The following NUDC variants were observed in gnomAD, a reference collection of about 807,000 sequenced individuals.
The protein encoded by NUDC is nuclear distribution C, dynein complex regulator.
NUDC carries 14 observed loss-of-function variants against 45.0 expected under a neutral mutation model. The ratio of observed to expected loss-of-function variants is 0.31; its 90% CI spans 0.21 to 0.49. The LOEUF (loss-of-function observed/expected upper bound fraction) is 0.49, where lower values mean the gene tolerates loss of function less well. NUDC is among the 20% of genes least tolerant of loss of function. The pLI, the probability that NUDC is intolerant of heterozygous loss-of-function variation, is 0.99. For missense variants in NUDC, 323 were observed against 426.2 expected (o/e 0.76, Z 2.13); for synonymous variants, 153 against 156.7 (o/e 0.98, Z 0.17).
intron 2 of NUDC, among the ~76,000 whole-genome samples, chr1:26,906,405 GCAC>G (rs2082003248): frequency 6.6e-6 from 1 of 152,118 alleles, no homozygotes; most frequent in Non-Finnish European, 1.5e-5. Context: ...AGCCGAGATC[GCAC>G]CACAGCACTC....
At chr1:26,914,829 T>C (rs777746163) in intron 3 of NUDC, among the ~76,000 whole-genome samples, 21 of 151,836 alleles carry the variant, frequency 1.4e-4, no homozygotes, top group Admixed American at 3.3e-4. Flanking sequence ...TAGCCGGGCA[T>C]GGTGGCATGT....
At chr1:26,915,813 C>T (rs548118778) in intron 3 of NUDC, among the ~76,000 whole-genome samples, 2 of 152,300 alleles carry the variant, frequency 1.3e-5, no homozygotes, top group Non-Finnish European at 2.9e-5. Flanking sequence ...CAAACAGGCA[C>T]ACCTCTTTCA....
chr1:26,941,661 G>A lies in NUDC; in HGVS notation c.363+1G>A. ...GAGGCTGCAGCTAGAGATTGACCAGGTGAAGGGTGGGCTTCCCTTCTCCAC... is the reference window on the plus strand; with the variant it reads ...GAGGCTGCAGCTAGAGATTGACCAGATGAAGGGTGGGCTTCCCTTCTCCAC... On this transcript the variant is annotated splice_donor_variant, in intron 3 of 8. Coordinates refer to ENST00000321265, the MANE Select transcript of NUDC (RefSeq NM_006600.4). LOFTEE classifies it high-confidence loss of function. 1 of 1,612,304 alleles carries A rather than the reference G, an allele frequency of 6.2e-7. No homozygotes were observed. The highest frequency in any genetic ancestry group is 8.5e-7 in the Non-Finnish European group (1 of 1,179,180).
At chr1:26,911,013 G>T in intron 2 of NUDC, 2 of 413,298 alleles carry the variant, frequency 4.8e-6, no homozygotes, top group Non-Finnish European at 9.9e-6. Context: ...AAATCCTGGT[G>T]GTCCAGCTAA....
intron 6 of NUDC, chr1:26,945,144 C>A: frequency 1.7e-6 from 1 of 587,008 alleles, no homozygotes; most frequent in East Asian, 2.9e-5. Flanking sequence ...TCTCCCTCCA[C>A]CCTGGATGAA....
intron 2 of NUDC, among the ~76,000 whole-genome samples, chr1:26,905,592 G>A (rs1278139443): frequency 6.6e-6 from 1 of 151,420 alleles, no homozygotes; most frequent in African/African-American, 2.4e-5. Flanking sequence ...TGGAAGATAA[G>A]GGTTACTTTG....
intron 5 of NUDC, 36 bp from the exon 6 acceptor site, chr1:26,942,835 T>G: frequency 6.2e-7 from 1 of 1,614,010 alleles, no homozygotes; most frequent in African/African-American, 1.3e-5. Context: ...CCAGCAGCAC[T>G]TAGTGGCCTC....
chr1:26,938,809 C>T (rs544008265), intron 2 of NUDC, among the ~76,000 whole-genome samples: 71 of 152,216 alleles, frequency 4.7e-4, no homozygotes, highest in Non-Finnish European at 4.6e-4. Context: ...CCTGCAAGGC[C>T]TCTAGGGGTA....
chr1:26,904,272 A>C (rs2081993495), intron 2 of NUDC, among the ~76,000 whole-genome samples: 1 of 148,194 alleles, frequency 6.7e-6, no homozygotes, highest in Admixed American at 6.8e-5. Flanking sequence ...GGTTCAGGCC[A>C]TTCTCCTGCC....
At chr1:26,933,460 C>T (rs926000476) in intron 2 of NUDC, among the ~76,000 whole-genome samples, 1 of 152,034 alleles carries the variant, frequency 6.6e-6, no homozygotes, top group Non-Finnish European at 1.5e-5. Flanking sequence ...GTTGCCCAGG[C>T]TGGAGTGCAA....
intron 2 of NUDC, among the ~76,000 whole-genome samples, chr1:26,933,224 C>T (rs577943689): frequency 4.6e-5 from 7 of 151,542 alleles, no homozygotes; most frequent in South Asian, 2.1e-4. Context: ...TTGACCACCG[C>T]GCCCGGCCAC....
chr1:26,941,362 C>A, intron 2 of NUDC, 95 bp from the exon 3 acceptor site: 3 of 1,302,204 alleles, frequency 2.3e-6, no homozygotes, highest in Non-Finnish European at 3.3e-6. Context: ...CAGTGCTTTG[C>A]CCTTGCACCC....
At chr1:26,900,431 G>T (rs758825388) in intron 1 of NUDC, 2 of 1,609,024 alleles carry the variant, frequency 1.2e-6, no homozygotes, top group Non-Finnish European at 8.5e-7. Flanking sequence ...CCGCCTCGCC[G>T]GGCACCGCCA....
At chr1:26,932,273 T>A (rs998002354) in intron 2 of NUDC, among the ~76,000 whole-genome samples, 1 of 148,654 alleles carries the variant, frequency 6.7e-6, no homozygotes. Context: ...GCCTTCCGGG[T>A]TCAAGCGATT....
intron 2 of NUDC, among the ~76,000 whole-genome samples, chr1:26,934,102 G>A (rs986769615): frequency 1.3e-5 from 2 of 152,202 alleles, no homozygotes; most frequent in African/African-American, 4.8e-5. Flanking sequence ...GCAGTGAGTC[G>A]AGATTGTGCT....
intron 2 of NUDC, among the ~76,000 whole-genome samples, chr1:26,907,248 C>T (rs997240751): frequency 1.3e-5 from 2 of 152,168 alleles, no homozygotes; most frequent in South Asian, 2.1e-4. Context: ...TAGCTCAAAC[C>T]AGTCACCACT....
chr1:26,938,757 C>G (rs2082254486), intron 2 of NUDC, among the ~76,000 whole-genome samples: 1 of 152,156 alleles, frequency 6.6e-6, no homozygotes, highest in African/African-American at 2.4e-5. Context: ...CTTAGAGATG[C>G]TTGAAAGAGG....
chr1:26,916,222 C>G (rs2082061233), intron 3 of NUDC, among the ~76,000 whole-genome samples: 1 of 151,162 alleles, frequency 6.6e-6, no homozygotes, highest in Non-Finnish European at 1.5e-5. Context: ...GACCTCATCT[C>G]TACCAAAAAA....
At chr1:26,925,700 A>G (rs927218791) in intron 2 of NUDC, among the ~76,000 whole-genome samples, 1 of 150,344 alleles carries the variant, frequency 6.7e-6, no homozygotes, top group Admixed American at 6.6e-5. Context: ...ACTTTTGAAA[A>G]TTGTTATATC....
Sources: allele counts gnomAD v4.1 joint callset (sites outside exome capture counted in the v4.1 genomes callset), GRCh38; gene constraint gnomAD v4.1.1; transcripts MANE v1.5; gene names NCBI Gene and HGNC (gene_info 2026-07-23, HGNC 2026-07-21).